The following CCNH variants were observed in gnomAD, a reference collection of about 807,000 sequenced individuals.
CCNH encodes cyclin-H.
CCNH carries 31 observed loss-of-function variants against 41.9 expected under a neutral mutation model. That is an observed-to-expected ratio of 0.74 (90% confidence interval 0.56 to 1.00). CCNH has a LOEUF of 1.00. Among genes scored for constraint, CCNH ranks in the 50% least tolerant of loss-of-function variants. The pLI, the probability that CCNH is intolerant of heterozygous loss-of-function variation, is 0.00. For synonymous variants in CCNH, 138 were observed against 136.1 expected (o/e 1.01, Z -0.10); for missense variants, 362 against 388.4 (o/e 0.93, Z 0.57).
At chr5:87,401,681 A>G (rs771661114) in intron 6 of CCNH, 21 bp downstream of exon 6, 3 of 1,460,140 alleles carry the variant, frequency 2.1e-6, no homozygotes, top group Non-Finnish European at 1.9e-6. Context: ...AACATTTTGT[A>G]AAGTGTTCTC....
chr5:87,404,915 TA>T lies in CCNH; in HGVS notation c.617del (p.Leu206TyrfsTer9). 6.2e-7 allele frequency: 1 copy of T among 1,613,590 alleles called. No homozygotes were observed. The highest frequency in any genetic ancestry group is 8.5e-7 in the Non-Finnish European group (1 of 1,179,590). On this transcript the variant is annotated frameshift_variant, in exon 5 of 9. Transcript: ENST00000256897. LOFTEE classifies it high-confidence loss of function. ...TCAGGGCAATTTGGGAAGGTGTGTA[TA>T]AAAGGTAAGCATCCGTCAATGCAAT... The part of the protein sequence containing the change: ...NRIALTDAYL[L>X]YTPSQIALTA...
At chr5:87,409,917 G>A (rs3093786) in intron 2 of CCNH, among the ~76,000 whole-genome samples, 4,865 of 152,184 alleles carry the variant, frequency 0.032, 162 homozygotes, top group African/African-American at 0.074. Flanking sequence ...GCCAGACTCT[G>A]TGCTAAACAC....
At position 87,385,289 on chromosome 5, in the gene CCNH, A is replaced by G. The variant is rs530525048; in HGVS notation, c.*90+7481T>C. 7 of 1,579,366 alleles carry G rather than the reference A, an allele frequency of 4.4e-6. No homozygotes were observed. Among genetic ancestry groups the G allele is most frequent in the African/African-American group, 1.3e-5 (1 of 74,120 alleles). ...GACTTGGTGTCATTAGCTGTGCCCA[A>G]TTCTGTTACAGATTCTCCATCTCCT... is the stretch of plus-strand genomic sequence containing the variant. On this transcript the variant is annotated intron_variant and NMD_transcript_variant, in intron 9 of 9. Transcript: ENST00000645953.
chr5:87,339,340 C>G (rs1758270212), intron 9 of CCNH, among the ~76,000 whole-genome samples: 2 of 152,100 alleles, frequency 1.3e-5, no homozygotes, highest in Non-Finnish European at 2.9e-5. Flanking sequence ...ATTAGGACTC[C>G]TAATTCCTAG....
At chr5:87,353,642 TGTAGTTTTACGGTGA>T (rs1759440803) in intron 9 of CCNH, among the ~76,000 whole-genome samples, 1 of 152,148 alleles carries the variant, frequency 6.6e-6, no homozygotes, top group South Asian at 2.1e-4. Context: ...TTTATTTGCC[TGTAGTTTTACGGTGA>T]GAGGATTTGA....
chr5:87,354,117 C>G (rs1464556155), intron 9 of CCNH, among the ~76,000 whole-genome samples: 1 of 151,408 alleles, frequency 6.6e-6, no homozygotes, highest in African/African-American at 2.4e-5. Context: ...ATAGCTACTA[C>G]TTATTGCAGT....
At chr5:87,388,121 T>C (rs573357324), downstream of CCNH, among the ~76,000 whole-genome samples, 12 of 152,328 alleles carry the variant, frequency 7.9e-5, no homozygotes, top group East Asian at 1.9e-4. Flanking sequence ...ATCTGTGATA[T>C]ATAATTCTGT....
intron 9 of CCNH, among the ~76,000 whole-genome samples, chr5:87,369,224 AATT>A (rs1435085585): frequency 2.0e-5 from 3 of 152,172 alleles, no homozygotes; most frequent in African/African-American, 7.2e-5. Flanking sequence ...AAATGATATA[AATT>A]ATTACCTAAT....
At chr5:87,354,888 G>A (rs1052404933) in intron 9 of CCNH, among the ~76,000 whole-genome samples, 3 of 152,156 alleles carry the variant, frequency 2.0e-5, no homozygotes, top group Non-Finnish European at 4.4e-5. Context: ...GGTCTGGATT[G>A]AAGATTAAAC....
intron 9 of CCNH, among the ~76,000 whole-genome samples, chr5:87,367,954 A>G (rs1476445761): frequency 6.6e-6 from 1 of 152,110 alleles, no homozygotes; most frequent in Non-Finnish European, 1.5e-5. Flanking sequence ...TGGGAAAACT[A>G]AAATGTACCA....
chr5:87,389,399 C>T (rs779355643), downstream of CCNH: 4 of 1,614,048 alleles, frequency 2.5e-6, no homozygotes, highest in Non-Finnish European at 3.4e-6. Flanking sequence ...AAAGAATGTA[C>T]CTGAACTTCC....
chr5:87,380,636 G>C (rs1413010881), upstream of CCNH: 2 of 1,500,226 alleles, frequency 1.3e-6, no homozygotes, highest in Non-Finnish European at 1.9e-6. Context: ...CATACTAATA[G>C]GTGGATAATT....
intron 9 of CCNH, among the ~76,000 whole-genome samples, chr5:87,323,120 C>A (rs945356797): frequency 6.6e-6 from 1 of 152,062 alleles, no homozygotes; most frequent in Non-Finnish European, 1.5e-5. Flanking sequence ...ATTTCCATGA[C>A]TGTGAATAAA....
intron 9 of CCNH, among the ~76,000 whole-genome samples, chr5:87,324,272 T>C (rs1358970925): frequency 6.6e-6 from 1 of 152,180 alleles, no homozygotes; most frequent in East Asian, 1.9e-4. Context: ...TAGTAGGTAT[T>C]GTGCTAGCCT....
chr5:87,321,575 A>G (rs982676450), intron 9 of CCNH, among the ~76,000 whole-genome samples: 3 of 152,228 alleles, frequency 2.0e-5, no homozygotes, highest in African/African-American at 7.2e-5. Flanking sequence ...TTACTGGTTT[A>G]TTATGAAGGA....
At chr5:87,363,845 C>CACTCAATTCTGCTATTA (rs1458344100) in intron 9 of CCNH, among the ~76,000 whole-genome samples, 4 of 152,008 alleles carry the variant, frequency 2.6e-5, no homozygotes, top group Non-Finnish European at 4.4e-5. Context: ...GTACTAGGTG[C>CACTCAATTCTGCTATTA]ACTCAATTCT....
the CCNH span, among the ~76,000 whole-genome samples, chr5:87,311,502 C>G: frequency 6.6e-6 from 1 of 152,136 alleles, no homozygotes; most frequent in African/African-American, 2.4e-5. Context: ...TTTATTATAG[C>G]AAAAGGCTAC....
At chr5:87,346,831 C>G in intron 9 of CCNH, 1 of 806,970 alleles carries the variant, frequency 1.2e-6, no homozygotes. Context: ...AGTGTTTATG[C>G]ATGTTATAAT....
chr5:87,390,656 A>C, downstream of CCNH: 1 of 729,636 alleles, frequency 1.4e-6, no homozygotes, highest in Non-Finnish European at 2.5e-6. Context: ...TGACTGAATA[A>C]TAGAGACTTA....
Sources: gnomAD v4.1 joint callset for allele counts (sites outside exome capture counted in the v4.1 genomes callset) on GRCh38, gnomAD v4.1.1 for gene constraint, MANE v1.5 for transcripts, NCBI Gene and HGNC (gene_info 2026-07-23, HGNC 2026-07-21) for gene names.